SYN3: variants seen among roughly 807,000 people sequenced by gnomAD.
The protein encoded by SYN3 is synapsin III, also known as synapsin-3.
A neutral mutation model predicts 65.8 loss-of-function variants in SYN3; 35 were observed. The ratio of observed to expected loss-of-function variants is 0.53; its 90% CI spans 0.41 to 0.70. SYN3 has a LOEUF of 0.70. Ranked by LOEUF, SYN3 falls within the 30% of genes least tolerant of loss-of-function variation. The pLI is 0.00. For synonymous variants in SYN3, 270 were observed against 292.9 expected, an observed-to-expected ratio of 0.92 and a Z score of 0.80; for missense variants, 680 against 749.0, an observed-to-expected ratio of 0.91 and a Z score of 1.08.
chr22:32,783,142 A>T (rs2145842154), intron 6 of SYN3: 1 of 152,304 alleles, frequency 6.6e-6, no homozygotes, highest in East Asian at 1.9e-4. Context: ...AGTCACTAAG[A>T]CCGGGTTTCT....
chr22:32,932,933 G>T (rs1162205735), intron 3 of SYN3, among the ~76,000 whole-genome samples: 1 of 152,172 alleles, frequency 6.6e-6, no homozygotes, highest in African/African-American at 2.4e-5. Flanking sequence ...ATGGCCATCT[G>T]CTCCCTGTGT....
At chr22:32,516,299 G>A (rs1212992730) in intron 13 of SYN3, among the ~76,000 whole-genome samples, 5 of 152,166 alleles carry the variant, frequency 3.3e-5, no homozygotes, top group East Asian at 1.9e-4. Context: ...GTAGCAAAGC[G>A]TTGGATGAGA....
chr22:32,582,652 G>C (rs1392673455), intron 7 of SYN3, among the ~76,000 whole-genome samples: 1 of 152,080 alleles, frequency 6.6e-6, no homozygotes, highest in Non-Finnish European at 1.5e-5. Flanking sequence ...AAACTTCTGG[G>C]ATTACAGGTG....
chr22:32,977,128 G>A (rs1486523003), intron 3 of SYN3, among the ~76,000 whole-genome samples: 3 of 152,136 alleles, frequency 2.0e-5, no homozygotes, highest in African/African-American at 7.2e-5. Context: ...TTGGTTTCCT[G>A]GCTAATTCAC....
At chr22:32,692,771 C>T (rs963028625) in intron 6 of SYN3, among the ~76,000 whole-genome samples, 1 of 104 alleles carries the variant, frequency 9.6e-3, no homozygotes. Context: ...TTTGTAGAGT[C>T]TCCATTATGG....
chr22:32,998,511 C>T (rs936226071), intron 2 of SYN3, among the ~76,000 whole-genome samples: 2 of 152,122 alleles, frequency 1.3e-5, no homozygotes, highest in Non-Finnish European at 2.9e-5. Flanking sequence ...GAGAAAAAGG[C>T]TACCAGCAGA....
chr22:32,534,397 C>G (rs1188454072), intron 9 of SYN3, among the ~76,000 whole-genome samples: 1 of 142,496 alleles, frequency 7.0e-6, no homozygotes, highest in Non-Finnish European at 1.5e-5. Flanking sequence ...GGACAAGAGG[C>G]TGTGGAGGAC....
At chr22:33,037,534 A>G (rs1356889558) in intron 1 of SYN3, among the ~76,000 whole-genome samples, 1 of 152,226 alleles carries the variant, frequency 6.6e-6, no homozygotes, top group African/African-American at 2.4e-5. Flanking sequence ...GCATTCTTGT[A>G]CATGCCAGGC....
intron 6 of SYN3, among the ~76,000 whole-genome samples, chr22:32,616,964 G>T (rs552547062): frequency 5.3e-5 from 8 of 152,142 alleles, no homozygotes; most frequent in African/African-American, 1.9e-4. Context: ...GTGGTTGGAG[G>T]ATTCAGGAAA....
chr22:32,556,178 T>G (rs1327234626), intron 7 of SYN3, among the ~76,000 whole-genome samples: 1 of 152,266 alleles, frequency 6.6e-6, no homozygotes, highest in African/African-American at 2.4e-5. Context: ...AATAGCTTAT[T>G]AAGTGTTTAC....
At chr22:32,923,082 C>T (rs984139373) in intron 4 of SYN3, among the ~76,000 whole-genome samples, 3 of 152,130 alleles carry the variant, frequency 2.0e-5, no homozygotes, top group Admixed American at 2.0e-4. Flanking sequence ...CAGGAAAGCT[C>T]ATAGTGTGAT....
At position 32,707,420 on chromosome 22, in the gene SYN3, C is replaced by CA. The variant is rs1198902935; in HGVS notation, c.712-110685dup. Reference sequence around the variant, plus strand: ...TTGTGATTCTGAGAAGCATGGGCCTCAGCCTTTCTTTTCCCAAATGCTCTT... The same window carrying CA: ...TTGTGATTCTGAGAAGCATGGGCCTCAAGCCTTTCTTTTCCCAAATGCTCTT... On this transcript the variant is annotated intron_variant, in intron 6 of 13. Transcript: ENST00000358763. 2.0e-5 allele frequency among the ~76,000 whole-genome samples: 3 copies of CA among 152,326 alleles called. No individual in the cohort carries two copies. The East Asian group carries it at 5.8e-4, about 29-fold the overall frequency.
intron 1 of SYN3, among the ~76,000 whole-genome samples, chr22:33,017,255 A>G (rs755427602): frequency 4.6e-5 from 7 of 152,114 alleles, no homozygotes; most frequent in Non-Finnish European, 1.5e-5. Flanking sequence ...TTGCTGTTCT[A>G]TCGGTCATTG....
At chr22:32,527,732 C>T in intron 12 of SYN3, 186 bp downstream of exon 12, 1 of 563,928 alleles carries the variant, frequency 1.8e-6, no homozygotes. Flanking sequence ...AATTAACCTT[C>T]TATTTCCCTT....
chr22:32,874,870 A>G (rs1477685834), intron 4 of SYN3, among the ~76,000 whole-genome samples: 1 of 152,168 alleles, frequency 6.6e-6, no homozygotes, highest in Non-Finnish European at 1.5e-5. Context: ...GGAAAATTCA[A>G]CCTTGGGTAT....
intron 1 of SYN3, among the ~76,000 whole-genome samples, chr22:33,034,458 G>T (rs1388080710): frequency 6.6e-6 from 1 of 151,872 alleles, no homozygotes; most frequent in East Asian, 2.0e-4. Context: ...ATGTTGGCCA[G>T]GTTGGTCTTA....
At chr22:32,718,713 C>T (rs2061073933) in intron 6 of SYN3, among the ~76,000 whole-genome samples, 1 of 150,040 alleles carries the variant, frequency 6.7e-6, no homozygotes, top group South Asian at 2.1e-4. Flanking sequence ...TTTAAGTGTC[C>T]AAGAGATAGG....
In SYN3 at chr22:32,970,226, A is replaced by G. The variant is rs527567033; in HGVS notation, c.369+10419T>C. Among the ~76,000 whole-genome samples, 4 of 152,292 alleles carry G rather than the reference A, an allele frequency of 2.6e-5. No homozygotes were observed. In the East Asian group the frequency reaches 7.7e-4, roughly 29 times the overall value. On this transcript the variant is annotated intron_variant, in intron 3 of 13. Transcript: ENST00000358763. ...CGCACTTACTATTTTATATGAGGAA[A>G]CTGAGGCATGGGGCAGTTAAATTAC...
At chr22:32,878,465 C>T (rs147980254) in intron 4 of SYN3, among the ~76,000 whole-genome samples, 116 of 152,298 alleles carry the variant, frequency 7.6e-4, no homozygotes, top group Middle Eastern at 3.4e-3. Flanking sequence ...ATCCTCAACA[C>T]AAGTCCTTCA....
Sources: gnomAD v4.1 joint callset for allele counts (sites outside exome capture counted in the v4.1 genomes callset) on GRCh38, gnomAD v4.1.1 for gene constraint, MANE v1.5 for transcripts, NCBI Gene and HGNC (gene_info 2026-07-23, HGNC 2026-07-21) for gene names.